CBFB: variants seen among roughly 807,000 people sequenced by gnomAD.
CBFB encodes the protein core-binding factor subunit beta.
Under a neutral mutation model 30.4 loss-of-function variants are expected in CBFB, and 9 were observed. That is an observed-to-expected ratio of 0.30 (90% CI 0.18 to 0.52). CBFB has a LOEUF of 0.52. Among genes scored for constraint, CBFB ranks in the 20% least tolerant of loss-of-function variants. CBFB has a pLI of 0.97. For missense variants in CBFB, 170 were observed against 244.0 expected (o/e 0.70, Z 2.02); for synonymous variants, 94 against 84.0 (o/e 1.12, Z -0.65).
intron 2 of CBFB, among the ~76,000 whole-genome samples, chr16:67,031,541 G>A (rs371404534): frequency 3.9e-5 from 6 of 152,148 alleles, no homozygotes; most frequent in Non-Finnish European, 7.3e-5. Context: ...ACGGAGTCTC[G>A]CTCTGTTACC....
At chr16:67,044,917 C>T (rs1312430134) in intron 3 of CBFB, among the ~76,000 whole-genome samples, 4 of 152,134 alleles carry the variant, frequency 2.6e-5, no homozygotes, top group African/African-American at 9.7e-5. Context: ...GACAACTTTA[C>T]AAATACCTTG....
chr16:67,041,469 A>G (rs1252563063), intron 3 of CBFB, among the ~76,000 whole-genome samples: 2 of 152,138 alleles, frequency 1.3e-5, no homozygotes, highest in African/African-American at 2.4e-5. Flanking sequence ...GCGTGTGAGA[A>G]AGAGAAGAAT....
intron 3 of CBFB, among the ~76,000 whole-genome samples, chr16:67,043,397 A>C (rs1009889273): frequency 2.0e-5 from 3 of 152,346 alleles, no homozygotes; most frequent in African/African-American, 7.2e-5. Context: ...TTATGTGGCT[A>C]TAGAATATTT....
intron 1 of CBFB, 81 bp from the exon 2 acceptor site, chr16:67,029,646 T>C (rs1966296807): frequency 5.1e-6 from 7 of 1,371,166 alleles, no homozygotes; most frequent in Non-Finnish European, 7.1e-6. Context: ...TGCTTGCCCT[T>C]ATCGGCGCTG....
chr16:67,045,710 T>TTAC (rs1966613415), intron 3 of CBFB, among the ~76,000 whole-genome samples: 1 of 152,100 alleles, frequency 6.6e-6, no homozygotes. Flanking sequence ...CTTTCCTGAA[T>TTAC]TACATATTCC....
chr16:67,098,610 TA>T, intron 5 of CBFB, 99 bp from the exon 6 acceptor site: 1 of 645,690 alleles, frequency 1.5e-6, no homozygotes, highest in South Asian at 2.1e-5. Context: ...ACTTTTTAGT[TA>T]TGAAGTTTTT....
At chr16:67,082,129 GAAA>G (rs36017652) in intron 4 of CBFB, 81 bp from the exon 5 acceptor site, 1,371 of 860,932 alleles carry the variant, frequency 1.6e-3, no homozygotes, top group South Asian at 2.1e-3. Context: ...ACTGTTTCAG[GAAA>G]AAAAAAAAAA....
At chr16:67,038,077 A>T (rs1176879462) in intron 3 of CBFB, among the ~76,000 whole-genome samples, 1 of 152,054 alleles carries the variant, frequency 6.6e-6, no homozygotes, top group Non-Finnish European at 1.5e-5. Flanking sequence ...TTTTAAATAT[A>T]GTTTTATACT....
At chr16:67,067,353 G>A (rs148484841) in intron 4 of CBFB, among the ~76,000 whole-genome samples, 3,162 of 151,948 alleles carry the variant, frequency 0.021, 102 homozygotes, top group African/African-American at 0.072. Context: ...CCCCATCTCT[G>A]CTAAAAATAT....
chr16:67,073,751 C>T (rs893435278), intron 4 of CBFB, among the ~76,000 whole-genome samples: 6 of 148,968 alleles, frequency 4.0e-5, no homozygotes, highest in African/African-American at 9.9e-5. Flanking sequence ...CAAAAAAACA[C>T]GAGGCCGGGC....
intron 3 of CBFB, among the ~76,000 whole-genome samples, chr16:67,054,318 T>C (rs1275432897): frequency 6.6e-6 from 1 of 152,124 alleles, no homozygotes; most frequent in Non-Finnish European, 1.5e-5. Context: ...CTTGTTTCAT[T>C]GTCTTGGTTT....
At chr16:67,058,128 GGTT>G (rs59958780) in intron 3 of CBFB, among the ~76,000 whole-genome samples, 122 of 151,420 alleles carry the variant, frequency 8.1e-4, no homozygotes, top group African/African-American at 2.3e-3. Context: ...TATTCAAATC[GGTT>G]GTTGTTGTTG....
Position 67,082,141 on chromosome 16 carries a change from A to C in CBFB, c.400-72A>C, listed in dbSNP as rs571309309. On this transcript the variant is annotated intron_variant, in intron 4 of 5. Coordinates refer to ENST00000412916, the MANE Select transcript of CBFB (RefSeq NM_022845.3). ...GCCACTGTTTCAGGAAAAAAAAAAA[A>C]AAAACAAAACCCAAATATTGTATTT... 2.2e-3 allele frequency: 2,958 copies of C among 1,316,288 alleles called. 1 individual carries two copies. Among genetic ancestry groups the C allele is most frequent in the South Asian group, 3.5e-3 (213 of 61,368 alleles). The allele number at this position is 1,316,288 out of a possible 1,614,324, so 81.5% of individuals were successfully genotyped here. A position where few individuals can be genotyped will look rare whatever the true frequency, so the allele number is the denominator to read the frequency against.
At chr16:67,045,107 A>T (rs1966600180) in intron 3 of CBFB, among the ~76,000 whole-genome samples, 1 of 152,172 alleles carries the variant, frequency 6.6e-6, no homozygotes, top group South Asian at 2.1e-4. Flanking sequence ...ATATATATAT[A>T]TATATTTGAC....
At chr16:67,033,247 A>T (rs1190720852) in intron 2 of CBFB, among the ~76,000 whole-genome samples, 1 of 152,248 alleles carries the variant, frequency 6.6e-6, no homozygotes, top group Non-Finnish European at 1.5e-5. Flanking sequence ...AAACTCAATC[A>T]GCCTCCTTAT....
chr16:67,056,939 C>G (rs1960745522), intron 3 of CBFB, among the ~76,000 whole-genome samples: 1 of 151,908 alleles, frequency 6.6e-6, no homozygotes, highest in Non-Finnish European at 1.5e-5. Flanking sequence ...CTTGGCCTCC[C>G]AAAGTGCAGG....
intron 3 of CBFB, among the ~76,000 whole-genome samples, chr16:67,050,121 T>G (rs1032789337): frequency 6.7e-6 from 1 of 150,042 alleles, no homozygotes; most frequent in African/African-American, 2.4e-5. Flanking sequence ...AGAGTTATTT[T>G]GGTCCACCAA....
chr16:67,100,827 C>T lies in CBFB; in HGVS notation c.*2049C>T, dbSNP rs1264017356. The T allele has an allele frequency of 1.9e-5, 4 of 210,884 alleles. No individual in the cohort carries two copies. The highest frequency in any genetic ancestry group is 3.9e-5 in the Non-Finnish European group (4 of 103,810). The allele number at this position is 210,884 out of a possible 1,614,324, so 13.1% of individuals were successfully genotyped here. On this transcript the variant is annotated 3_prime_UTR_variant, in exon 6 of 6. Coordinates refer to ENST00000412916, the MANE Select transcript of CBFB (RefSeq NM_022845.3). ...TAATGCTGGCATTAAGATCATGAGC[C>T]CTTTTTCTCCAGTAGTACAGGCTTT... is the stretch of plus-strand genomic sequence containing the variant.
intron 3 of CBFB, 109 bp from the exon 4 acceptor site, chr16:67,066,573 A>G (rs901253875): frequency 2.6e-5 from 15 of 570,204 alleles, no homozygotes; most frequent in South Asian, 2.3e-4. Flanking sequence ...CAATCAGTCA[A>G]TCATAATTTT....
Sources: gnomAD v4.1 joint callset for allele counts (sites outside exome capture counted in the v4.1 genomes callset) on GRCh38, gnomAD v4.1.1 for gene constraint, MANE v1.5 for transcripts, NCBI Gene and HGNC (gene_info 2026-07-23, HGNC 2026-07-21) for gene names.